The following SGCZ variants were observed in gnomAD, a reference collection of about 807,000 sequenced individuals.
The protein encoded by SGCZ is zeta-sarcoglycan.
SGCZ carries 40 observed loss-of-function variants against 41.3 expected under a neutral mutation model. That is an observed-to-expected ratio of 0.97 (90% CI 0.75 to 1.26). The LOEUF is 1.26. Ranked by LOEUF, SGCZ falls within the 50% of genes most tolerant of loss-of-function variation. The pLI is 0.00. For synonymous variants in SGCZ, 206 were observed against 137.5 expected, an observed-to-expected ratio of 1.50 and a Z score of -3.49; for missense variants, 552 against 369.8, an observed-to-expected ratio of 1.49 and a Z score of -4.04.
chr8:14,094,277 G>A (rs1801776030), intron 7 of SGCZ, among the ~76,000 whole-genome samples: 1 of 151,984 alleles, frequency 6.6e-6, no homozygotes, highest in Admixed American at 6.6e-5. Context: ...TTGTCCTAAT[G>A]CTATCCCTCC....
intron 7 of SGCZ, among the ~76,000 whole-genome samples, chr8:14,099,863 A>ATACTT (rs1253898849): frequency 2.0e-5 from 3 of 152,092 alleles, no homozygotes; most frequent in Admixed American, 1.3e-4. Context: ...TGAGTCTGAA[A>ATACTT]TACTTTACAA....
chr8:15,088,892 A>G (rs548925528), intron 1 of SGCZ, among the ~76,000 whole-genome samples: 3 of 152,304 alleles, frequency 2.0e-5, no homozygotes, highest in African/African-American at 7.2e-5. Flanking sequence ...TTCCTTTTAG[A>G]AATTATAGGT....
At chr8:14,487,473 G>A (rs1801706801) in intron 2 of SGCZ, among the ~76,000 whole-genome samples, 1 of 152,184 alleles carries the variant, frequency 6.6e-6, no homozygotes, top group Non-Finnish European at 1.5e-5. Flanking sequence ...TTCTCACCTA[G>A]ATGTGCTGAT....
At chr8:14,970,193 T>C (rs1585423011) in intron 1 of SGCZ, among the ~76,000 whole-genome samples, 1 of 152,170 alleles carries the variant, frequency 6.6e-6, no homozygotes, top group Non-Finnish European at 1.5e-5. Context: ...ATTTGTTTAA[T>C]AACCTGGGTT....
At chr8:14,420,764 G>A (rs1799617154) in intron 2 of SGCZ, among the ~76,000 whole-genome samples, 1 of 151,984 alleles carries the variant, frequency 6.6e-6, no homozygotes, top group Non-Finnish European at 1.5e-5. Flanking sequence ...TTTGTGCCAG[G>A]TCATTACAGT....
At chr8:14,798,999 A>C (rs1801226895) in intron 1 of SGCZ, among the ~76,000 whole-genome samples, 1 of 151,914 alleles carries the variant, frequency 6.6e-6, no homozygotes, top group Admixed American at 6.6e-5. Context: ...ACAGTAGTGG[A>C]TTCTAAAAAA....
At chr8:14,760,106 G>C (rs923856070) in intron 1 of SGCZ, among the ~76,000 whole-genome samples, 5 of 152,072 alleles carry the variant, frequency 3.3e-5, no homozygotes, top group Admixed American at 1.3e-4. Flanking sequence ...AATTGAGCAC[G>C]GGTTCCACAG....
intron 2 of SGCZ, among the ~76,000 whole-genome samples, chr8:14,531,884 G>T (rs544727019): frequency 6.6e-6 from 1 of 152,008 alleles, no homozygotes; most frequent in South Asian, 2.1e-4. Flanking sequence ...ATAGCTATTT[G>T]GGTCCTTAAG....
chr8:14,176,021 T>C (rs772373851), intron 4 of SGCZ, among the ~76,000 whole-genome samples: 15 of 152,138 alleles, frequency 9.9e-5, no homozygotes, highest in Non-Finnish European at 1.8e-4. Flanking sequence ...TTTGCATCAT[T>C]ATGAATGTAT....
intron 1 of SGCZ, among the ~76,000 whole-genome samples, chr8:15,137,301 A>G (rs539050420): frequency 3.9e-4 from 59 of 152,346 alleles, no homozygotes; most frequent in African/African-American, 1.4e-3. Flanking sequence ...GAAGCAGAGC[A>G]TAAACATTTG....
chr8:14,422,143 AATCT>A (rs1799653450), intron 2 of SGCZ, among the ~76,000 whole-genome samples: 2 of 152,310 alleles, frequency 1.3e-5, no homozygotes, highest in Admixed American at 1.3e-4. Flanking sequence ...AGAAAACACA[AATCT>A]ATCTAAAAAT....
intron 2 of SGCZ, among the ~76,000 whole-genome samples, chr8:14,334,211 A>C (rs570532139): frequency 6.6e-6 from 1 of 152,178 alleles, no homozygotes; most frequent in East Asian, 1.9e-4. Flanking sequence ...AAAGCCTTTT[A>C]TAGGAATTTC....
At chr8:14,166,978 T>G (rs1420553192) in intron 4 of SGCZ, among the ~76,000 whole-genome samples, 1 of 152,168 alleles carries the variant, frequency 6.6e-6, no homozygotes, top group Non-Finnish European at 1.5e-5. Context: ...TACTGCAGAC[T>G]ACACTTTATT....
At chr8:14,350,744 A>C (rs1803061579) in intron 2 of SGCZ, among the ~76,000 whole-genome samples, 1 of 152,046 alleles carries the variant, frequency 6.6e-6, no homozygotes, top group Non-Finnish European at 1.5e-5. Context: ...CCAATCTTGA[A>C]AGCCCTCTCT....
chr8:14,246,397 C>G (rs10102506), intron 3 of SGCZ, among the ~76,000 whole-genome samples: 150,666 of 151,398 alleles, frequency 1, 74,974 homozygotes, highest in East Asian at 1. Context: ...ATTGAATAAT[C>G]AGAACACATG....
intron 1 of SGCZ, among the ~76,000 whole-genome samples, chr8:15,232,243 A>G (rs1027393654): frequency 2.0e-5 from 3 of 152,214 alleles, no homozygotes; most frequent in Non-Finnish European, 4.4e-5. Context: ...TCCCAAAAAC[A>G]GATGTGGATT....
chr8:14,646,564 G>A (rs1210410199), intron 1 of SGCZ, among the ~76,000 whole-genome samples: 1 of 151,716 alleles, frequency 6.6e-6, no homozygotes, highest in Non-Finnish European at 1.5e-5. Context: ...TTTTCTTTTG[G>A]ATATACATCC....
chr8:15,040,537 T>A (rs958242308), intron 1 of SGCZ, among the ~76,000 whole-genome samples: 9 of 151,960 alleles, frequency 5.9e-5, no homozygotes, highest in African/African-American at 2.2e-4. Flanking sequence ...GAATCGCTTG[T>A]AACCGGGAGG....
At chr8:14,798,726 T>A (rs1419892752) in intron 1 of SGCZ, among the ~76,000 whole-genome samples, 1 of 104,832 alleles carries the variant, frequency 9.5e-6, no homozygotes, top group East Asian at 4.4e-4. Flanking sequence ...TCACATTATT[T>A]TCATTTTTAT....
Sources: gnomAD v4.1 joint callset for allele counts (sites outside exome capture counted in the v4.1 genomes callset) on GRCh38, gnomAD v4.1.1 for gene constraint, MANE v1.5 for transcripts, NCBI Gene and HGNC (gene_info 2026-07-23, HGNC 2026-07-21) for gene names.